The following RAI14 variants were observed in gnomAD, a reference collection of about 807,000 sequenced individuals.
RAI14 encodes ankycorbin.
A neutral mutation model predicts 115.4 loss-of-function variants in RAI14; 45 were observed. That is an observed-to-expected ratio of 0.39 (90% CI 0.31 to 0.50). The LOEUF is 0.50. RAI14 is among the 20% of genes least tolerant of loss of function. The pLI is 0.85. For missense variants in RAI14, 939 were observed against 1,131.2 expected (o/e 0.83, Z 2.44); for synonymous variants, 371 against 415.4 (o/e 0.89, Z 1.30).
intron 1 of RAI14, among the ~76,000 whole-genome samples, chr5:34,680,579 C>T (rs139912482): frequency 6.6e-6 from 1 of 152,192 alleles, no homozygotes; most frequent in Non-Finnish European, 1.5e-5. Context: ...CACATTCACA[C>T]CATAGCTTAC....
chr5:34,687,987 T>C (rs1486614802), intron 2 of RAI14: 4 of 1,193,462 alleles, frequency 3.4e-6, no homozygotes, highest in Non-Finnish European at 4.6e-6. Flanking sequence ...GCTTATGGGA[T>C]GATGGTAAAA....
intron 16 of RAI14, among the ~76,000 whole-genome samples, chr5:34,826,884 C>T (rs1360463005): frequency 1.3e-5 from 2 of 152,102 alleles, no homozygotes; most frequent in Non-Finnish European, 1.5e-5. Flanking sequence ...TGCTTCTTGG[C>T]CCCTCTCCTT....
chr5:34,701,004 A>G (rs1739990147), intron 2 of RAI14, among the ~76,000 whole-genome samples: 1 of 152,230 alleles, frequency 6.6e-6, no homozygotes, highest in African/African-American at 2.4e-5. Context: ...ACTCCTTACC[A>G]GAAACATAAG....
chr5:34,821,784 C>G lies in RAI14; in HGVS notation c.1047C>G (p.Leu349=). The change falls in exon 14 of 18, where the codon CTC becomes CTG. Residue 349 remains leucine (L), a synonymous_variant. Coordinates refer to ENST00000265109, the MANE Select transcript of RAI14 (RefSeq NM_015577.3). The part of the protein sequence containing the change: ...ISSEADQQDL[L]SLLQAKVASL... ...CTGAAGCTGACCAACAAGATCTTCT[C>G]TCTCTATTGCAAGCAAAAGTTGCTT... 2.5e-6 allele frequency: 4 copies of G among 1,612,816 alleles called. No individual in the cohort carries two copies. The highest frequency in any genetic ancestry group is 3.4e-6 in the Non-Finnish European group (4 of 1,179,264).
chr5:34,741,665 G>T (rs970788212), intron 2 of RAI14, among the ~76,000 whole-genome samples: 1 of 152,152 alleles, frequency 6.6e-6, no homozygotes, highest in African/African-American at 2.4e-5. Context: ...GGGATTTAAG[G>T]TTTGAAACTG....
At chr5:34,785,170 C>T (rs557952139) in intron 3 of RAI14, among the ~76,000 whole-genome samples, 10 of 152,284 alleles carry the variant, frequency 6.6e-5, no homozygotes, top group South Asian at 2.1e-4. Context: ...CTTTACTTAG[C>T]GGCCACTGTT....
intron 3 of RAI14, among the ~76,000 whole-genome samples, chr5:34,789,264 G>A (rs1752658968): frequency 6.6e-6 from 1 of 152,176 alleles, no homozygotes; most frequent in Non-Finnish European, 1.5e-5. Context: ...ACATAAGAAG[G>A]GAAATCTACC....
intron 3 of RAI14, among the ~76,000 whole-genome samples, chr5:34,776,618 C>A (rs565809710): frequency 1.4e-3 from 214 of 151,934 alleles, no homozygotes; most frequent in African/African-American, 4.8e-3. Context: ...CCAGCCTGGG[C>A]AACATGGCAA....
intron 1 of RAI14, among the ~76,000 whole-genome samples, chr5:34,675,196 C>T (rs183685129): frequency 6.6e-6 from 1 of 152,310 alleles, no homozygotes; most frequent in East Asian, 1.9e-4. Flanking sequence ...GTGCCCAGGC[C>T]ACTGGATCTT....
At chr5:34,746,588 A>G (rs1434667630) in intron 2 of RAI14, among the ~76,000 whole-genome samples, 3 of 151,422 alleles carry the variant, frequency 2.0e-5, no homozygotes, top group East Asian at 3.9e-4. Flanking sequence ...TATTTTTAGT[A>G]GAGACGGGGT....
intron 2 of RAI14, among the ~76,000 whole-genome samples, chr5:34,751,066 G>A (rs1746946689): frequency 6.6e-6 from 1 of 151,476 alleles, no homozygotes. Flanking sequence ...GGTCAGGCTG[G>A]TCTCGAACTC....
At chr5:34,784,633 C>A (rs1234564041) in intron 3 of RAI14, among the ~76,000 whole-genome samples, 1 of 152,176 alleles carries the variant, frequency 6.6e-6, no homozygotes, top group South Asian at 2.1e-4. Context: ...GAAGAAAAAA[C>A]CATTCTACTA....
chr5:34,691,051 T>A (rs1738525673), intron 2 of RAI14, among the ~76,000 whole-genome samples: 1 of 152,188 alleles, frequency 6.6e-6, no homozygotes, highest in South Asian at 2.1e-4. Context: ...GATTTTGAGA[T>A]GGCTGAATCA....
intron 2 of RAI14, among the ~76,000 whole-genome samples, chr5:34,752,737 G>GTTTATA: frequency 9.9e-6 from 1 of 101,452 alleles, no homozygotes; most frequent in East Asian, 2.8e-4. Context: ...GTGTGTGTGT[G>GTTTATA]TGTGTGTGTG....
At chr5:34,820,259 GGTAAA>G (rs1756686407) in intron 13 of RAI14, among the ~76,000 whole-genome samples, 1 of 152,132 alleles carries the variant, frequency 6.6e-6, no homozygotes, top group South Asian at 2.1e-4. Context: ...TCAAAGTGTG[GGTAAA>G]GTATTTACTA....
chr5:34,742,906 C>G (rs773034396), intron 2 of RAI14, among the ~76,000 whole-genome samples: 8 of 152,210 alleles, frequency 5.3e-5, no homozygotes, highest in Non-Finnish European at 1.2e-4. Context: ...TCGTGATCCA[C>G]CCGCCTTGGC....
At chr5:34,799,979 G>A (rs183105472) in intron 4 of RAI14, among the ~76,000 whole-genome samples, 8 of 152,220 alleles carry the variant, frequency 5.3e-5, no homozygotes, top group African/African-American at 1.7e-4. Context: ...GAGCCACCAC[G>A]CCCGGCCAGC....
At chr5:34,685,884 G>A (rs1395247346) in intron 1 of RAI14, 2 of 152,200 alleles carry the variant, frequency 1.3e-5, no homozygotes, top group Non-Finnish European at 2.9e-5. Flanking sequence ...GTTAAATGAA[G>A]TGATTGCTTA....
intron 2 of RAI14, among the ~76,000 whole-genome samples, chr5:34,717,062 G>A (rs1214547711): frequency 6.6e-6 from 1 of 152,174 alleles, no homozygotes; most frequent in African/African-American, 2.4e-5. Context: ...TATATATTCA[G>A]CATTATGTAT....
Sources: gnomAD v4.1 joint callset for allele counts (sites outside exome capture counted in the v4.1 genomes callset) on GRCh38, gnomAD v4.1.1 for gene constraint, MANE v1.5 for transcripts, NCBI Gene and HGNC (gene_info 2026-07-23, HGNC 2026-07-21) for gene names.